Variants in ZNF431 observed in about 807,000 individuals in gnomAD.
The protein encoded by ZNF431 is zinc finger protein 431.
A neutral mutation model predicts 57.0 loss-of-function variants in ZNF431; 34 were observed. The observed-to-expected ratio is 0.60, with a 90% CI of 0.45 to 0.79. The LOEUF (loss-of-function observed/expected upper bound fraction) is 0.79, where lower values mean the gene tolerates loss of function less well. Ranked by LOEUF, ZNF431 falls within the 30% of genes least tolerant of loss-of-function variation. ZNF431 has a pLI of 0.00. For synonymous variants in ZNF431, 207 were observed against 220.3 expected (o/e 0.94, Z 0.54); for missense variants, 607 against 667.1 (o/e 0.91, Z 0.99).
At chr19:21,146,349 G>T (rs1302621211) in intron 2 of ZNF431, among the ~76,000 whole-genome samples, 1 of 147,120 alleles carries the variant, frequency 6.8e-6, no homozygotes, top group Non-Finnish European at 1.5e-5. Flanking sequence ...GGCAGAGGTT[G>T]TAGTGAGCCG....
intron 1 of ZNF431, among the ~76,000 whole-genome samples, chr19:21,142,874 T>C (rs576087816): frequency 6.6e-6 from 1 of 152,306 alleles, no homozygotes; most frequent in East Asian, 1.9e-4. Flanking sequence ...TGTAGTAATT[T>C]ACTGAAAAAT....
At position 21,175,890 on chromosome 19, in the gene ZNF431, A is replaced by T. The variant is rs181529967; in HGVS notation, c.320-6733A>T. 4.7e-3 allele frequency among the ~76,000 whole-genome samples: 710 copies of T among 152,314 alleles called. 12 individuals are homozygous for T. Among genetic ancestry groups the T allele is most frequent in the Non-Finnish European group, 4.7e-3 (323 of 68,036 alleles). ...GAATGTTGCTGCAATGAAGATACAC[A>T]TCCATGTATCTTCATAATAGAATGA... On this transcript the variant is annotated intron_variant, in intron 4 of 4. Transcript: ENST00000311048.
rs1474277963 is a variant in ZNF431, at chr19:21,166,371, T to C, written c.133T>C (p.Ser45Pro). 9.9e-6 allele frequency: 16 copies of C among 1,613,074 alleles called. No individual in the cohort carries two copies. Among genetic ancestry groups the C allele is most frequent in the Non-Finnish European group, 1.4e-5 (16 of 1,179,804 alleles). The change falls in exon 3 of 5, where the codon TCT becomes CCT. Residue 45 changes from serine (S) to proline (P), a missense_variant. Coordinates refer to ENST00000311048, the MANE Select transcript of ZNF431 (RefSeq NM_133473.4). ...LTFRDVAIEF[S>P]LEEWECLNPA... ...ATTTAGGGATGTGGCCATAGAATTC[T>C]CTCTGGAGGAGTGGGAATGCCTGAA...
In ZNF431 at chr19:21,183,462, C is replaced by G; in HGVS notation, c.1159C>G (p.Leu387Val). 1 of 1,613,814 alleles carries G rather than the reference C, an allele frequency of 6.2e-7. No individual in the cohort carries two copies. Among genetic ancestry groups the G allele is most frequent in the East Asian group, 2.2e-5 (1 of 44,854 alleles). ...CGKGFNWSST[L>V]TKHKRIHTGE... Reference sequence around the variant, plus strand: ...CAAAGGCTTTAATTGGTCCTCAACCCTTACTAAACATAAAAGAATTCATAC... The same window carrying G: ...CAAAGGCTTTAATTGGTCCTCAACCGTTACTAAACATAAAAGAATTCATAC... Residue 387 changes from leucine to valine, a missense_variant, in exon 5 of 5, where the codon CTT becomes GTT. By Grantham distance (32) the Leu-to-Val change is conservative. Coordinates refer to ENST00000311048, the MANE Select transcript of ZNF431 (RefSeq NM_133473.4).
intron 1 of ZNF431, 152 bp downstream of exon 1, chr19:21,142,338 G>A (rs994165910): frequency 3.8e-6 from 4 of 1,060,540 alleles, no homozygotes; most frequent in Non-Finnish European, 4.3e-6. Flanking sequence ...GTCCCCTCCA[G>A]CCATAAGATG....
intron 2 of ZNF431, chr19:21,150,357 C>G: frequency 2.6e-6 from 1 of 382,134 alleles, no homozygotes; most frequent in East Asian, 6.8e-5. Flanking sequence ...AGGAAATTCA[C>G]CACTTTCTTG....
chr19:21,166,814 A>G (rs973436259), intron 3 of ZNF431, among the ~76,000 whole-genome samples: 1 of 152,192 alleles, frequency 6.6e-6, no homozygotes, highest in Non-Finnish European at 1.5e-5. Context: ...TATTTTCTAA[A>G]TAGTTAGAGA....
At chr19:21,169,463 T>C (rs566406671) in intron 4 of ZNF431, among the ~76,000 whole-genome samples, 20 of 152,070 alleles carry the variant, frequency 1.3e-4, no homozygotes, top group Non-Finnish European at 2.6e-4. Context: ...ATAAACAGGT[T>C]TCAGGAGGTA....
At chr19:21,153,790 C>T (rs1042491442) in intron 2 of ZNF431, among the ~76,000 whole-genome samples, 40 of 152,164 alleles carry the variant, frequency 2.6e-4, no homozygotes, top group African/African-American at 8.4e-4. Flanking sequence ...GATCTTGGCT[C>T]ACCGCAACCT....
intron 3 of ZNF431, among the ~76,000 whole-genome samples, 193 bp downstream of exon 3, chr19:21,166,654 A>G (rs1166076971): frequency 6.6e-6 from 1 of 152,192 alleles, no homozygotes; most frequent in Non-Finnish European, 1.5e-5. Flanking sequence ...AACTTTCCAC[A>G]TTCCTGAGCT....
At chr19:21,161,952 C>T (rs1301161716) in intron 2 of ZNF431, among the ~76,000 whole-genome samples, 3 of 152,096 alleles carry the variant, frequency 2.0e-5, no homozygotes, top group Non-Finnish European at 2.9e-5. Context: ...CCGCACCAAG[C>T]GTTCACCCCT....
chr19:21,149,524 T>C (rs1323942378), intron 2 of ZNF431: 1 of 192,174 alleles, frequency 5.2e-6, no homozygotes, highest in Non-Finnish European at 1.1e-5. Flanking sequence ...ACAACACATG[T>C]AAATACAAAG....
intron 3 of ZNF431, 142 bp downstream of exon 3, chr19:21,166,603 G>T (rs545536717): frequency 9.7e-7 from 1 of 1,034,408 alleles, no homozygotes; most frequent in African/African-American, 1.7e-5. Flanking sequence ...TGATTTGTCC[G>T]TGTGGAAAAG....
At position 21,191,959 on chromosome 19, in the gene ZNF431, T is replaced by C. The variant is rs1971518912; in HGVS notation, c.*7925T>C. The C allele has an allele frequency of 6.6e-6, 1 of 152,242 alleles. No individual in the cohort carries two copies. The highest frequency in any genetic ancestry group is 1.5e-5 in the Non-Finnish European group (1 of 68,040). The allele number at this position is 152,242 out of a possible 1,614,324, so 9.4% of individuals were successfully genotyped here. A position where few individuals can be genotyped will look rare whatever the true frequency, so the allele number is the denominator to read the frequency against. On this transcript the variant is annotated 3_prime_UTR_variant, in exon 5 of 5. Transcript: ENST00000311048. ...TGTAGGTCATTTTGTGTAATACAAA[T>C]ATTAATGTCAGTTCATGAATAGTCC...
In ZNF431 at chr19:21,183,705, T is replaced by C; in HGVS notation, c.1402T>C (p.Ser468Pro). Residue 468 changes from serine to proline, a missense_variant, in exon 5 of 5, where the codon TCA (serine) becomes CCA (proline). Coordinates refer to ENST00000311048, the MANE Select transcript of ZNF431 (RefSeq NM_133473.4). Reference protein sequence around the residue: ...CEECGKAFSQSSILTTHKRIH... With the variant: ...CEECGKAFSQPSILTTHKRIH... ...AGAATGTGGCAAAGCTTTTAGCCAG[T>C]CATCAATCCTTACTACACATAAGAG... The C allele has an allele frequency of 1.2e-6, 2 of 1,613,776 alleles. No individual in the cohort carries two copies. The highest frequency in any genetic ancestry group is 2.2e-5 in the South Asian group (2 of 91,072).
intron 4 of ZNF431, among the ~76,000 whole-genome samples, chr19:21,175,628 T>C (rs1971027832): frequency 6.6e-6 from 1 of 152,168 alleles, no homozygotes; most frequent in Admixed American, 6.5e-5. Flanking sequence ...CATATGTCCA[T>C]GTGTTCTTAT....
chr19:21,182,780 A>T lies in ZNF431; in HGVS notation c.477A>T (p.Glu159Asp). ...TAGATGAGTATAAGGTGCACAAAGA[A>T]GGTTATAATGAGCTAAACCAGTGTT... ...ASVDEYKVHK[E>D]GYNELNQCLT... The change falls in exon 5 of 5, where the codon GAA becomes GAT. Residue 159 changes from glutamate (E) to aspartate (D), a missense_variant. Physicochemically the swap from Glu to Asp is conservative, Grantham distance 45. Coordinates refer to ENST00000311048, the MANE Select transcript of ZNF431 (RefSeq NM_133473.4). 6.2e-7 allele frequency: 1 copy of T among 1,613,926 alleles called. No homozygotes were observed. The highest frequency in any genetic ancestry group is 8.5e-7 in the Non-Finnish European group (1 of 1,179,878).
intron 4 of ZNF431, among the ~76,000 whole-genome samples, chr19:21,173,048 CATA>C (rs1400207951): frequency 6.6e-6 from 1 of 152,148 alleles, no homozygotes; most frequent in African/African-American, 2.4e-5. Flanking sequence ...TTTCAAGTGA[CATA>C]ATATTTTCAA....
intron 4 of ZNF431, among the ~76,000 whole-genome samples, chr19:21,180,308 C>T (rs1039527943): frequency 6.6e-6 from 1 of 152,154 alleles, no homozygotes; most frequent in Admixed American, 6.6e-5. Context: ...TTTGCAATGG[C>T]TGGTAATGGT....
Sources: allele counts gnomAD v4.1 joint callset (sites outside exome capture counted in the v4.1 genomes callset), GRCh38; gene constraint gnomAD v4.1.1; transcripts MANE v1.5; gene names NCBI Gene and HGNC (gene_info 2026-07-23, HGNC 2026-07-21).